DSCAML1: variants seen among roughly 807,000 people sequenced by gnomAD.
DSCAML1 encodes the protein cell adhesion molecule DSCAML1.
DSCAML1 carries 38 observed loss-of-function variants against 200.5 expected under a neutral mutation model. The ratio of observed to expected loss-of-function variants is 0.19; its 90% confidence interval spans 0.15 to 0.25. The LOEUF (loss-of-function observed/expected upper bound fraction) is 0.25. Among genes scored for constraint, DSCAML1 ranks in the 10% least tolerant of loss-of-function variants. The probability of loss-of-function intolerance (pLI) is 1.00; values close to 1 mark genes in which losing one functional copy is unlikely to be tolerated. For synonymous variants in DSCAML1, 1,215 were observed against 1,165.0 expected, an observed-to-expected ratio of 1.04 and a Z score of -0.87; for missense variants, 2,223 against 2,858.8, an observed-to-expected ratio of 0.78 and a Z score of 5.07.
intron 3 of DSCAML1, among the ~76,000 whole-genome samples, chr11:117,542,972 C>G (rs180792002): frequency 2.0e-5 from 3 of 152,364 alleles, no homozygotes; most frequent in East Asian, 1.9e-4. Context: ...AGGTGGACTT[C>G]TCTCTCCTTT....
At chr11:117,692,982 C>G (rs754191536) in intron 3 of DSCAML1, among the ~76,000 whole-genome samples, 4 of 152,210 alleles carry the variant, frequency 2.6e-5, no homozygotes, top group East Asian at 1.9e-4. Flanking sequence ...GTGCCCACTT[C>G]CAACATGTTC....
At chr11:117,476,295 G>GA (rs2048790387) in intron 14 of DSCAML1, among the ~76,000 whole-genome samples, 1 of 152,214 alleles carries the variant, frequency 6.6e-6, no homozygotes, top group Non-Finnish European at 1.5e-5. Context: ...GCAGCTTGGA[G>GA]AAAAGCCACA....
chr11:117,428,323 G>T lies in DSCAML1; in HGVS notation c.*5C>A, dbSNP rs3741283. ...GTCCAGGCGTGGCTGCTCTTCCTGC[G>T]GGCCCTACACCAGGGTGTAGGATTT... is the stretch of plus-strand genomic sequence containing the variant. On this transcript the variant is annotated 3_prime_UTR_variant, in exon 33 of 33. Coordinates refer to ENST00000651296, the MANE Select transcript of DSCAML1 (RefSeq NM_020693.4). 8 of 1,482,078 alleles carry T rather than the reference G, an allele frequency of 5.4e-6. No homozygotes were observed. Among genetic ancestry groups the T allele is most frequent in the East Asian group, 2.3e-5 (1 of 43,904 alleles). The allele number at this position is 1,482,078 out of a possible 1,614,324, so 91.8% of individuals were successfully genotyped here.
chr11:117,625,874 C>G (rs1163892401), intron 3 of DSCAML1, among the ~76,000 whole-genome samples: 2 of 152,196 alleles, frequency 1.3e-5, no homozygotes, highest in African/African-American at 4.8e-5. Context: ...ATCAATGTCC[C>G]CTATCAGAAA....
chr11:117,440,616 T>C (rs1230801672), intron 21 of DSCAML1, among the ~76,000 whole-genome samples: 1 of 152,008 alleles, frequency 6.6e-6, no homozygotes, highest in Non-Finnish European at 1.5e-5. Flanking sequence ...CAGAGGGTTA[T>C]AAGAAGTGGT....
At chr11:117,458,619 T>C (rs1430387363) in intron 19 of DSCAML1, 135 bp downstream of exon 19, 6 of 1,189,076 alleles carry the variant, frequency 5.0e-6, no homozygotes, top group Non-Finnish European at 7.0e-6. Flanking sequence ...TCAAGAGTCC[T>C]CAAGGCTACT....
intron 11 of DSCAML1, among the ~76,000 whole-genome samples, chr11:117,484,699 C>T (rs2049001276): frequency 1.3e-5 from 2 of 152,158 alleles, no homozygotes; most frequent in African/African-American, 4.8e-5. Context: ...AGATTTTACA[C>T]CAACAAGTCA....
intron 3 of DSCAML1, among the ~76,000 whole-genome samples, chr11:117,571,802 G>C (rs932435924): frequency 6.6e-6 from 1 of 152,192 alleles, no homozygotes; most frequent in Admixed American, 6.5e-5. Flanking sequence ...TAAGTCACAG[G>C]ATAAGATAGG....
rs1480098064 is a variant in DSCAML1 at position 117,468,866 on chromosome 11, C to T, written c.3024+1044G>A. Among the ~76,000 whole-genome samples the T allele has an allele frequency of 3.3e-5, 5 of 152,286 alleles. No homozygotes were observed. In the East Asian group the frequency reaches 9.6e-4, roughly 29 times the overall value. On this transcript the variant is annotated intron_variant, in intron 16 of 32. Coordinates refer to ENST00000651296, the MANE Select transcript of DSCAML1 (RefSeq NM_020693.4). ...CTCAAGTCTACCTTTCTAAAGAGCC[C>T]AGAAGAAGGACTCAAGCACCTGGGC...
chr11:117,603,062 C>G (rs963839429), intron 3 of DSCAML1, among the ~76,000 whole-genome samples: 1 of 152,138 alleles, frequency 6.6e-6, no homozygotes, highest in Non-Finnish European at 1.5e-5. Context: ...CATCGCTGCA[C>G]TTCAGCTCGA....
intron 3 of DSCAML1, among the ~76,000 whole-genome samples, chr11:117,580,378 G>C (rs1174003758): frequency 1.3e-5 from 2 of 152,240 alleles, no homozygotes; most frequent in East Asian, 3.8e-4. Context: ...GTAGAGCGAG[G>C]TTTGGAAGAG....
intron 3 of DSCAML1, among the ~76,000 whole-genome samples, chr11:117,688,856 G>T (rs145383773): frequency 2.6e-5 from 4 of 152,170 alleles, no homozygotes; most frequent in African/African-American, 7.2e-5. Context: ...AACCAAGGTC[G>T]TCCTAACCAG....
rs1465566583 is a variant in DSCAML1 at position 117,589,239 on chromosome 11, G to A, written c.512-56717C>T. Among the ~76,000 whole-genome samples the A allele has an allele frequency of 3.9e-5, 6 of 152,226 alleles. 1 individual carries two copies. Among genetic ancestry groups the A allele is most frequent in the Admixed American group, 1.3e-4 (2 of 15,294 alleles). ...CAAGCGACCGGAGCGGGCTCCTGCC[G>A]ACTCTGCAGTGCGCCTTGGAGATGG... On this transcript the variant is annotated intron_variant, in intron 3 of 32. Transcript: ENST00000651296.
chr11:117,758,644 C>T (rs1490749085), intron 3 of DSCAML1, among the ~76,000 whole-genome samples: 3 of 152,008 alleles, frequency 2.0e-5, no homozygotes, highest in Admixed American at 6.6e-5. Flanking sequence ...CCTCGTGATC[C>T]GCCCACCTCG....
chr11:117,463,194 G>T lies in DSCAML1; in HGVS notation c.3266-1598C>A, dbSNP rs890217900. On this transcript the variant is annotated intron_variant, in intron 17 of 32. Coordinates refer to ENST00000651296, the MANE Select transcript of DSCAML1 (RefSeq NM_020693.4). The surrounding 1 kb of genome is among the most constrained non-coding windows in gnomAD (Gnocchi z 4.0). ...AAGCAGGAAGGCTATGGGAATCAGA[G>T]ATTTTGATCCAGACTCTGTTGTTTT... 4.0e-5 allele frequency among the ~76,000 whole-genome samples: 6 copies of T among 151,394 alleles called. No homozygotes were observed. Among genetic ancestry groups the T allele is most frequent in the African/African-American group, 1.5e-4 (6 of 41,368 alleles).
intron 3 of DSCAML1, among the ~76,000 whole-genome samples, chr11:117,723,277 A>C (rs1430657818): frequency 6.6e-6 from 1 of 152,202 alleles, no homozygotes; most frequent in Non-Finnish European, 1.5e-5. Context: ...CACTGATAAC[A>C]CATTTTGGAA....
At chr11:117,640,963 A>G (rs1287556079) in intron 3 of DSCAML1, among the ~76,000 whole-genome samples, 1 of 152,230 alleles carries the variant, frequency 6.6e-6, no homozygotes, top group Non-Finnish European at 1.5e-5. Flanking sequence ...CCAAAATAAT[A>G]CAAAGGCCAG....
At chr11:117,560,950 G>T (rs1462392965) in intron 3 of DSCAML1, among the ~76,000 whole-genome samples, 1 of 152,218 alleles carries the variant, frequency 6.6e-6, no homozygotes, top group Non-Finnish European at 1.5e-5. Flanking sequence ...GCTCTCCTGA[G>T]GGCGGGGCTC....
chr11:117,529,284 G>A (rs1474567959), intron 4 of DSCAML1, among the ~76,000 whole-genome samples: 1 of 152,100 alleles, frequency 6.6e-6, no homozygotes, highest in East Asian at 1.9e-4. Flanking sequence ...TGCCATGTTG[G>A]CCAGGCTGGT....
Sources: gnomAD v4.1 joint callset for allele counts (sites outside exome capture counted in the v4.1 genomes callset) on GRCh38, gnomAD v4.1.1 for gene constraint, Gnocchi (gnomAD v3.1) non-coding constraint, MANE v1.5 for transcripts, NCBI Gene and HGNC (gene_info 2026-07-23, HGNC 2026-07-21) for gene names.